Variants in ZSCAN25 observed in about 807,000 individuals in gnomAD.
The protein encoded by ZSCAN25 is zinc finger and SCAN domain containing 25.
A neutral mutation model predicts 38.7 loss-of-function variants in ZSCAN25; 27 were observed. The observed-to-expected ratio is 0.70, with a 90% confidence interval of 0.51 to 0.96. The LOEUF is 0.96. ZSCAN25 is among the 40% of genes least tolerant of loss of function. ZSCAN25 has a pLI of 0.00. For missense variants in ZSCAN25, 637 were observed against 705.9 expected (o/e 0.90, Z 1.11); for synonymous variants, 273 against 277.7 (o/e 0.98, Z 0.17).
At chr7:99,634,678 T>C (rs1808197536), downstream of ZSCAN25, among the ~76,000 whole-genome samples, 1 of 152,204 alleles carries the variant, frequency 6.6e-6, no homozygotes, top group Admixed American at 6.5e-5. Context: ...GCACCTGTAG[T>C]CCTAGCTACT....
chr7:99,660,583 A>G, the ZSCAN25 span: 1 of 1,614,024 alleles, frequency 6.2e-7, no homozygotes, highest in Non-Finnish European at 8.5e-7. Context: ...AAGTGAAGGA[A>G]AGAACACTGC....
downstream of ZSCAN25, among the ~76,000 whole-genome samples, chr7:99,632,986 G>GTTTTTTTTTTTTTTTTTTTGTT (rs201141594): frequency 2.1e-5 from 3 of 141,482 alleles, no homozygotes; most frequent in African/African-American, 8.4e-5. Context: ...TGCATTTTCT[G>GTTTTTTTTTTTTTTTTTTTGTT]TTGTTTTTTT....
intron 7 of ZSCAN25, among the ~76,000 whole-genome samples, chr7:99,628,325 G>A (rs1333582010): frequency 2.6e-5 from 4 of 152,042 alleles, no homozygotes; most frequent in Non-Finnish European, 5.9e-5. Flanking sequence ...GGACTCTTCC[G>A]CTTTAAGCAC....
the ZSCAN25 span, chr7:99,676,202 C>A: frequency 6.2e-7 from 1 of 1,613,552 alleles, no homozygotes; most frequent in Non-Finnish European, 8.5e-7. Flanking sequence ...GTGTACGGGT[C>A]CCATATCTAC....
At chr7:99,650,182 C>T in the ZSCAN25 span, 4 of 1,613,950 alleles carry the variant, frequency 2.5e-6, no homozygotes, top group African/African-American at 4.0e-5. Context: ...GGGTCCAGTT[C>T]CAAAGGGTGT....
chr7:99,706,578 A>T, the ZSCAN25 span, among the ~76,000 whole-genome samples: 3 of 152,244 alleles, frequency 2.0e-5, no homozygotes, highest in Non-Finnish European at 2.9e-5. Context: ...GCTTAATATG[A>T]ATCAATGACA....
the ZSCAN25 span, among the ~76,000 whole-genome samples, chr7:99,724,335 C>T: frequency 2.0e-5 from 3 of 152,282 alleles, no homozygotes; most frequent in East Asian, 5.8e-4. Context: ...TTTGATTTCT[C>T]GATCTTATAA....
chr7:99,722,316 T>C, the ZSCAN25 span: 1 of 1,613,634 alleles, frequency 6.2e-7, no homozygotes, highest in Non-Finnish European at 8.5e-7. Context: ...TTCTATACTT[T>C]TTATAACATT....
the ZSCAN25 span, chr7:99,676,595 AT>A: frequency 2.2e-5 from 30 of 1,339,834 alleles, no homozygotes; most frequent in Non-Finnish European, 2.7e-5. Flanking sequence ...AAAGAGTAAG[AT>A]TTTTTTTGTC....
At chr7:99,643,992 A>C in the ZSCAN25 span, among the ~76,000 whole-genome samples, 3 of 152,052 alleles carry the variant, frequency 2.0e-5, no homozygotes, top group Admixed American at 6.5e-5. Flanking sequence ...TCTGACAAGC[A>C]CACACTTAAT....
chr7:99,678,332 T>A, the ZSCAN25 span, among the ~76,000 whole-genome samples: 1 of 152,206 alleles, frequency 6.6e-6, no homozygotes, highest in Non-Finnish European at 1.5e-5. Context: ...CCCTGAGAGC[T>A]GAGGAATATT....
chr7:99,619,825 C>G lies in ZSCAN25; in HGVS notation c.219C>G (p.Pro73=), dbSNP rs148880927. The stretch of plus-strand genomic sequence containing the variant: ...AGCTCTGTCGTCGGTGGCTGAGGCC[C>G]GAGTTGCACACCAAGGAGCAGATCC... The part of the protein sequence containing the change: ...LQELCRRWLR[P]ELHTKEQILE... The change falls in exon 4 of 8, where the codon CCC becomes CCG. Residue 73 remains proline, a synonymous_variant. Transcript: ENST00000394152. 64 of 1,614,088 alleles carry G rather than the reference C, an allele frequency of 4.0e-5. No homozygotes were observed. Among genetic ancestry groups the G allele is most frequent in the Non-Finnish European group, 5.3e-5 (62 of 1,180,050 alleles).
the ZSCAN25 span, among the ~76,000 whole-genome samples, chr7:99,732,864 G>A: frequency 5.9e-5 from 9 of 152,198 alleles, 1 homozygote; most frequent in Admixed American, 5.9e-4. Flanking sequence ...AGCAAAAGAT[G>A]GAGTATTCCA....
chr7:99,697,410 A>C, the ZSCAN25 span, among the ~76,000 whole-genome samples: 4 of 152,216 alleles, frequency 2.6e-5, no homozygotes, highest in East Asian at 7.7e-4. Flanking sequence ...TGAATCTGCT[A>C]GTCCCACAAG....
At chr7:99,655,638 C>T in the ZSCAN25 span, among the ~76,000 whole-genome samples, 15 of 152,214 alleles carry the variant, frequency 9.9e-5, no homozygotes, top group South Asian at 6.2e-4. Context: ...AGCTTGATGG[C>T]GATGGCACTG....
At chr7:99,720,215 GCA>G in the ZSCAN25 span, 1 of 1,471,612 alleles carries the variant, frequency 6.8e-7, no homozygotes, top group Non-Finnish European at 9.3e-7. Context: ...GAACCTTCCT[GCA>G]CAGTTTTTAG....
the ZSCAN25 span, chr7:99,720,665 A>G: frequency 2.4e-6 from 1 of 420,124 alleles, no homozygotes. Context: ...AGAGCTCTTC[A>G]AAGAGATTGT....
the ZSCAN25 span, among the ~76,000 whole-genome samples, chr7:99,693,022 T>C: frequency 6.6e-6 from 1 of 152,208 alleles, no homozygotes; most frequent in Admixed American, 6.5e-5. Context: ...TTTCTTCCCA[T>C]CTTTATGGTT....
At position 99,630,964 on chromosome 7, in the gene ZSCAN25, C is replaced by T; in HGVS notation, c.*944C>T. The T allele has an allele frequency of 1.1e-6, 1 of 950,316 alleles. No homozygotes were observed. Among genetic ancestry groups the T allele is most frequent in the Non-Finnish European group, 1.3e-6 (1 of 798,074 alleles). 58.9% of individuals were successfully genotyped at this position (950,316 alleles called of 1,614,324 possible). ...TTTATAGTTCATAAAATTAATTTCA[C>T]CCCATTCTCATTGGACCCATTTCCC... On this transcript the variant is annotated 3_prime_UTR_variant, in exon 8 of 8. Transcript: ENST00000394152.
Sources: gnomAD v4.1 joint callset for allele counts (sites outside exome capture counted in the v4.1 genomes callset) on GRCh38, gnomAD v4.1.1 for gene constraint, MANE v1.5 for transcripts, NCBI Gene and HGNC (gene_info 2026-07-23, HGNC 2026-07-21) for gene names.